Variants in SPACA5 observed in about 807,000 individuals in gnomAD.
SPACA5 encodes the protein sperm acrosome-associated protein 5.
upstream of SPACA5, among the ~76,000 whole-genome samples, chrX:48,006,699 G>C (rs2058997238): frequency 1.1e-5 from 1 of 90,177 alleles, no homozygotes; most frequent in African/African-American, 4.1e-5. Flanking sequence ...GTGAGGCAGA[G>C]AGTGGATGAA....
upstream of SPACA5, among the ~76,000 whole-genome samples, chrX:48,005,927 A>G (rs2058994847): frequency 9.1e-6 from 1 of 109,843 alleles, no homozygotes; most frequent in Non-Finnish European, 1.9e-5. Flanking sequence ...ATCCTGAGCA[A>G]TCCATCAGAT....
chrX:48,006,292 G>A (rs1178129995), upstream of SPACA5, among the ~76,000 whole-genome samples: 3 of 113,573 alleles, frequency 2.6e-5, no homozygotes, highest in Non-Finnish European at 3.8e-5. Context: ...TGAGTACTGA[G>A]GATTAGAGTG....
chrX:48,005,943 T>C (rs1316529255), upstream of SPACA5, among the ~76,000 whole-genome samples: 1 of 109,426 alleles, frequency 9.1e-6, no homozygotes, highest in Non-Finnish European at 1.9e-5. Flanking sequence ...CAGATGCTTC[T>C]GTGTTGGCCA....
chrX:48,004,662 C>T (rs1397573028), upstream of SPACA5, among the ~76,000 whole-genome samples: 1 of 12,536 alleles, frequency 8.0e-5, no homozygotes, highest in African/African-American at 3.6e-4. Flanking sequence ...GCTGTAGGGC[C>T]TCCTTGGCCA....
At chrX:48,006,289 T>C (rs1424993434), upstream of SPACA5, among the ~76,000 whole-genome samples, 1 of 113,538 alleles carries the variant, frequency 8.8e-6, no homozygotes, top group Non-Finnish European at 1.9e-5. Context: ...ATGTGAGTAC[T>C]GAGGATTAGA....
chrX:48,006,548 C>T (rs1246030597), upstream of SPACA5, among the ~76,000 whole-genome samples: 1 of 111,904 alleles, frequency 8.9e-6, no homozygotes, highest in Non-Finnish European at 1.9e-5. Flanking sequence ...AGGGTAGTAG[C>T]CCAGGAACGT....
chrX:48,005,478 ACT>A (rs202193354), upstream of SPACA5, among the ~76,000 whole-genome samples: 15 of 151 alleles, frequency 0.099, no homozygotes, highest in African/African-American at 0.19. Context: ...GAGGACTCCC[ACT>A]CTCTGTCCTG....
upstream of SPACA5, among the ~76,000 whole-genome samples, chrX:48,005,870 G>T (rs1254865286): frequency 9.5e-6 from 1 of 105,294 alleles, no homozygotes; most frequent in African/African-American, 3.4e-5. Context: ...CCCTCCTCTT[G>T]AAGCCACTGG....
upstream of SPACA5, chrX:48,004,535 GAC>G (rs1173111764): frequency 1.7e-5 from 1 of 60,025 alleles, no homozygotes; most frequent in Non-Finnish European, 3.0e-5. Flanking sequence ...GGCGATGTGG[GAC>G]ACACACACCG....
At chrX:48,004,453 G>T (rs1295735227), upstream of SPACA5, 3 of 85,648 alleles carry the variant, frequency 3.5e-5, no homozygotes, top group Non-Finnish European at 6.8e-5. Context: ...CAGTGGCCAG[G>T]ACTGGGAGTT....
upstream of SPACA5, among the ~76,000 whole-genome samples, chrX:48,005,937 T>C (rs1697534033): frequency 9.1e-6 from 1 of 109,592 alleles, no homozygotes; most frequent in African/African-American, 3.3e-5. Flanking sequence ...ATCCATCAGA[T>C]GCTTCTGTGT....
upstream of SPACA5, chrX:48,004,514 G>T (rs2146480002): frequency 3.0e-5 from 2 of 66,219 alleles, no homozygotes; most frequent in South Asian, 1.6e-3. Context: ...CAAACAAGCT[G>T]AAAAATAAAC....
At chrX:48,004,394 C>T (rs1420394088), upstream of SPACA5, 1 of 101,766 alleles carries the variant, frequency 9.8e-6, no homozygotes, top group Non-Finnish European at 2.0e-5. Context: ...GGCTAAATTG[C>T]TCTGCGTGCA....
chrX:48,006,337 A>G (rs2058996022), upstream of SPACA5, among the ~76,000 whole-genome samples: 1 of 114,686 alleles, frequency 8.7e-6, no homozygotes, highest in Admixed American at 9.1e-5. Flanking sequence ...CACAAGATGA[A>G]TGAAGAGAGG....
chrX:48,004,511 G>A (rs2058992193), upstream of SPACA5: 1 of 69,311 alleles, frequency 1.4e-5, no homozygotes. Context: ...AGACAAACAA[G>A]CTGAAAAATA....
chrX:48,006,541 G>A (rs1188552200), upstream of SPACA5, among the ~76,000 whole-genome samples: 84 of 112,859 alleles, frequency 7.4e-4, no homozygotes, highest in Admixed American at 1.2e-3. Flanking sequence ...GTTATACAGG[G>A]TAGTAGCCCA....
chrX:48,006,557 G>A (rs1468702088), upstream of SPACA5, among the ~76,000 whole-genome samples: 3 of 111,509 alleles, frequency 2.7e-5, no homozygotes, highest in Admixed American at 1.9e-4. Context: ...GCCCAGGAAC[G>A]TGGGTGCACA....
upstream of SPACA5, among the ~76,000 whole-genome samples, chrX:48,006,557 G>T (rs1468702088): frequency 9.0e-6 from 1 of 111,472 alleles, no homozygotes; most frequent in Non-Finnish European, 1.9e-5. Flanking sequence ...GCCCAGGAAC[G>T]TGGGTGCACA....
upstream of SPACA5, among the ~76,000 whole-genome samples, chrX:48,006,417 G>C (rs1259779401): frequency 8.7e-6 from 1 of 114,985 alleles, no homozygotes. Flanking sequence ...GGGTGCGGGA[G>C]GGACAGAATA....
Sources: allele counts gnomAD v4.1 joint callset (sites outside exome capture counted in the v4.1 genomes callset), GRCh38; gene constraint gnomAD v4.1.1; transcripts MANE v1.5; gene names NCBI Gene and HGNC (gene_info 2026-07-23, HGNC 2026-07-21).